The following DOCK4 variants were observed in gnomAD, a reference collection of about 807,000 sequenced individuals.
The protein encoded by DOCK4 is dedicator of cytokinesis protein 4.
DOCK4 carries 97 observed loss-of-function variants against 268.1 expected under a neutral mutation model. That is an observed-to-expected ratio of 0.36 (90% CI 0.31 to 0.43). The LOEUF is 0.43. Among genes scored for constraint, DOCK4 ranks in the 20% least tolerant of loss-of-function variants. The probability of loss-of-function intolerance (pLI) is 1.00; values close to 1 mark genes in which losing one functional copy is unlikely to be tolerated. For synonymous variants in DOCK4, 954 were observed against 887.2 expected (o/e 1.08, Z -1.34); for missense variants, 2,145 against 2,455.7 (o/e 0.87, Z 2.67).
At chr7:112,107,296 T>C (rs980174332) in intron 1 of DOCK4, among the ~76,000 whole-genome samples, 3 of 152,030 alleles carry the variant, frequency 2.0e-5, no homozygotes, top group Admixed American at 6.6e-5. Flanking sequence ...GGAGATAGGG[T>C]CTTTAAAGGG....
intron 1 of DOCK4, among the ~76,000 whole-genome samples, chr7:112,127,886 G>A (rs1184189302): frequency 1.6e-4 from 25 of 152,038 alleles, no homozygotes; most frequent in African/African-American, 5.3e-4. Context: ...AAAATTAGTC[G>A]GGCATGGTGG....
chr7:111,732,616 A>G, intron 51 of DOCK4: 1 of 285,172 alleles, frequency 3.5e-6, no homozygotes, highest in South Asian at 5.1e-5. Flanking sequence ...GATCTGTCTC[A>G]TAAGGTGCTT....
intron 1 of DOCK4, among the ~76,000 whole-genome samples, chr7:112,117,225 C>G (rs1200319187): frequency 1.3e-5 from 2 of 152,210 alleles, no homozygotes; most frequent in Non-Finnish European, 2.9e-5. Flanking sequence ...AGCTGCAGCC[C>G]TCTAAAGCCC....
At chr7:111,882,883 A>T (rs1562841683) in intron 16 of DOCK4, among the ~76,000 whole-genome samples, 1 of 152,198 alleles carries the variant, frequency 6.6e-6, no homozygotes, top group Admixed American at 6.5e-5. Flanking sequence ...TGCTGGGATT[A>T]CAGGCGTGAG....
intron 28 of DOCK4, among the ~76,000 whole-genome samples, chr7:111,811,071 C>T (rs1801093101): frequency 6.6e-6 from 1 of 151,786 alleles, no homozygotes; most frequent in Non-Finnish European, 1.5e-5. Context: ...GGATATATGC[C>T]AAGTTTTATT....
intron 1 of DOCK4, among the ~76,000 whole-genome samples, chr7:112,066,685 A>ATGTG (rs1807044339): frequency 1.4e-4 from 2 of 14,362 alleles, no homozygotes; most frequent in South Asian, 2.2e-3. Context: ...ACATATATAC[A>ATGTG]TATACATATA....
chr7:111,961,829 T>A (rs977393788), intron 8 of DOCK4, among the ~76,000 whole-genome samples: 1 of 152,230 alleles, frequency 6.6e-6, no homozygotes, highest in Non-Finnish European at 1.5e-5. Context: ...ATTCAGACCA[T>A]CATCTATGGG....
intron 42 of DOCK4, among the ~76,000 whole-genome samples, chr7:111,751,757 A>T (rs565076487): frequency 8.0e-5 from 12 of 149,092 alleles, no homozygotes; most frequent in South Asian, 6.3e-4. Flanking sequence ...AAAATATATA[A>T]TTTTTTTTTT....
At chr7:111,901,822 A>G in intron 13 of DOCK4, 21 bp from the exon 14 acceptor site, 1 of 1,499,312 alleles carries the variant, frequency 6.7e-7, no homozygotes, top group Non-Finnish European at 9.1e-7. Flanking sequence ...AGGAAAATTA[A>G]AACCATGTTA....
At chr7:111,865,051 G>A (rs1266028031) in intron 22 of DOCK4, among the ~76,000 whole-genome samples, 2 of 152,212 alleles carry the variant, frequency 1.3e-5, no homozygotes, top group African/African-American at 2.4e-5. Context: ...TTTACTGCAA[G>A]TGAAAATAAA....
chr7:111,771,179 G>A (rs545384742), intron 36 of DOCK4, among the ~76,000 whole-genome samples: 29 of 152,212 alleles, frequency 1.9e-4, no homozygotes, highest in Non-Finnish European at 3.7e-4. Flanking sequence ...GGTTGCTCAT[G>A]ATCTGGTTCT....
At chr7:111,944,743 A>C in intron 10 of DOCK4, 68 bp downstream of exon 10, 1 of 1,419,234 alleles carries the variant, frequency 7.0e-7, no homozygotes. Flanking sequence ...TCACAACAAC[A>C]TAGAAACCTC....
At chr7:112,185,045 T>A (rs1819382526) in intron 1 of DOCK4, among the ~76,000 whole-genome samples, 1 of 152,148 alleles carries the variant, frequency 6.6e-6, no homozygotes, top group African/African-American at 2.4e-5. Context: ...TTAGGACCCT[T>A]CCCACACTTA....
chr7:112,057,900 T>C (rs1805982812), intron 1 of DOCK4, among the ~76,000 whole-genome samples: 1 of 151,964 alleles, frequency 6.6e-6, no homozygotes, highest in Admixed American at 6.6e-5. Flanking sequence ...AGTTTATTTT[T>C]AACTTTATCT....
chr7:111,844,792 C>T lies in DOCK4; in HGVS notation c.2707G>A (p.Ala903Thr). ...ACATCCTGGAACTGGAACCGCATTG[C>T]TGAGCTGGATGGCTGAGGTCGGCTG... ...ITSRPQPSSS[A>T]MRFQFQDVTG... The change falls in exon 25 of 53, where the codon GCA (alanine) becomes ACA (threonine). Residue 903 changes from alanine (A) to threonine (T), a missense_variant. Ala to Thr is a moderately conservative substitution (Grantham distance 58). This residue lies in a region of DOCK4 where 1,598 missense variants were observed against 1,986.7 expected (regional missense o/e 0.80). Transcript: ENST00000428084. The T allele has an allele frequency of 6.2e-7, 1 of 1,613,662 alleles. No individual in the cohort carries two copies. Among genetic ancestry groups the T allele is most frequent in the East Asian group, 2.2e-5 (1 of 44,868 alleles).
chr7:111,737,017 T>G (rs1245949677), intron 49 of DOCK4, 28 bp from the exon 50 acceptor site: 1 of 1,580,826 alleles, frequency 6.3e-7, no homozygotes, highest in African/African-American at 1.3e-5. Flanking sequence ...TTGATTTTTA[T>G]GATGTGATAT....
At chr7:111,996,853 T>G (rs1241432962) in intron 4 of DOCK4, among the ~76,000 whole-genome samples, 1 of 152,180 alleles carries the variant, frequency 6.6e-6, no homozygotes, top group Non-Finnish European at 1.5e-5. Context: ...CCAACTCACT[T>G]TGAGGGATAG....
At chr7:112,177,265 A>T (rs1818618255) in intron 1 of DOCK4, among the ~76,000 whole-genome samples, 1 of 152,188 alleles carries the variant, frequency 6.6e-6, no homozygotes, top group East Asian at 1.9e-4. Context: ...TACCTGTGTG[A>T]TCTTAGGCAA....
Position 112,098,267 on chromosome 7 carries a change from CT to C in DOCK4, c.38-94137del, listed in dbSNP as rs542080638. Among the ~76,000 whole-genome samples, 15 of 152,174 alleles carry C rather than the reference CT, an allele frequency of 9.9e-5. 1 individual carries two copies. The highest frequency in any genetic ancestry group is 3.4e-3 in the Middle Eastern group (1 of 294). The stretch of plus-strand genomic sequence containing the variant: ...GATCTTGGTTCACTGCAACCTCCGC[CT>C]CCTGAGTTCAAGCAATTCTCCTGCC... On this transcript the variant is annotated intron_variant, in intron 1 of 52. Coordinates refer to ENST00000428084, the MANE Select transcript of DOCK4 (RefSeq NM_001363540.2).
Sources: allele counts gnomAD v4.1 joint callset (sites outside exome capture counted in the v4.1 genomes callset), GRCh38; gene constraint gnomAD v4.1.1; regional missense constraint gnomAD v4.1.1; transcripts MANE v1.5; gene names NCBI Gene and HGNC (gene_info 2026-07-23, HGNC 2026-07-21).